The following CHD4 variants were observed in gnomAD, a reference collection of about 807,000 sequenced individuals.
CHD4 encodes chromodomain helicase DNA binding protein 4, also known as ATP-dependent chromatin remodeler CHD4.
Under a neutral mutation model 235.5 loss-of-function variants are expected in CHD4, and 35 were observed. The observed-to-expected ratio is 0.15, with a 90% CI of 0.11 to 0.20. The LOEUF (loss-of-function observed/expected upper bound fraction) is 0.20, where lower values mean the gene tolerates loss of function less well. Ranked by LOEUF, CHD4 falls within the 10% of genes least tolerant of loss-of-function variation. CHD4 has a pLI of 1.00. For synonymous variants in CHD4, 900 were observed against 850.2 expected, an observed-to-expected ratio of 1.06 and a Z score of -1.02; for missense variants, 1,329 against 2,432.3, an observed-to-expected ratio of 0.55 and a Z score of 9.54.
Position 6,570,584 on chromosome 12 carries a change from G to A in CHD4, c.*92C>T. ...CATGGAAGATGGGCAGAAGGAAGGTGAGGGTCTCTCAGGCCCCCAGGGGAG... is the reference window on the plus strand; with the variant it reads ...CATGGAAGATGGGCAGAAGGAAGGTAAGGGTCTCTCAGGCCCCCAGGGGAG... On this transcript the variant is annotated 3_prime_UTR_variant, in exon 40 of 40. Coordinates refer to ENST00000544040, the MANE Select transcript of CHD4 (RefSeq NM_001273.5). 1.3e-6 allele frequency: 2 copies of A among 1,496,078 alleles called. No homozygotes were observed. The highest frequency in any genetic ancestry group is 9.3e-7 in the Non-Finnish European group (1 of 1,075,232). 92.7% of individuals were successfully genotyped at this position (1,496,078 alleles called of 1,614,324 possible).
At chr12:6,605,905 A>C (rs922176098) in intron 2 of CHD4, among the ~76,000 whole-genome samples, 3 of 152,108 alleles carry the variant, frequency 2.0e-5, no homozygotes, top group Non-Finnish European at 4.4e-5. Flanking sequence ...TGGTCTTTCA[A>C]ACAGAATCCT....
chr12:6,581,223 G>C, intron 32 of CHD4, 50 bp from the exon 33 acceptor site: 1 of 1,612,544 alleles, frequency 6.2e-7, no homozygotes. Context: ...AGACAGGCCA[G>C]CAACTAAAAG....
chr12:6,576,619 C>T (rs1466165027), intron 37 of CHD4, among the ~76,000 whole-genome samples: 3 of 152,026 alleles, frequency 2.0e-5, no homozygotes, highest in African/African-American at 7.2e-5. Context: ...CTTTTCTTGT[C>T]TTTTTTGAGG....
chr12:6,592,127 A>C (rs911230616), intron 19 of CHD4, 70 bp from the exon 20 acceptor site: 34 of 1,573,700 alleles, frequency 2.2e-5, no homozygotes, highest in Non-Finnish European at 1.7e-5. Flanking sequence ...CAGTGCCAAC[A>C]ACTGAGATCT....
rs770916644 is a variant in CHD4 at position 6,593,150 on chromosome 12, T to C, written c.2593A>G (p.Ile865Val). Residue 865 changes from isoleucine (I) to valine (V), a missense_variant, in exon 17 of 40, where the codon ATT becomes GTT. Ile to Val is a conservative substitution (Grantham distance 29, BLOSUM62 3). This residue lies in a region of CHD4 where 78 missense variants were observed against 174.8 expected (regional missense o/e 0.45). Transcript: ENST00000544040. This position sits in a 1 kb window ranked among gnomAD's most constrained non-coding sequence, Gnocchi z 4.9. ...TCCACGATGAGGCAGGCCCAATCAA[T>C]AGAGCCCAAAATAGCCATGTCAATG... ...ITIDMAILGS[I>V]DWACLIVDEA... 3.7e-6 allele frequency: 6 copies of C among 1,614,218 alleles called. No individual in the cohort carries two copies. In the East Asian group the frequency reaches 8.9e-5, roughly 24 times the overall value.
chr12:6,582,299 G>T lies in CHD4; in HGVS notation c.4371-18C>A, dbSNP rs762705764. ...CATATGCCCTGTGTAAAGAAGTAGA[G>T]AAAGAGTTAAATAGGGATCATGCTG... On this transcript the variant is annotated intron_variant, in intron 29 of 39. Transcript: ENST00000544040. 1 of 1,544,262 alleles carries T rather than the reference G, an allele frequency of 6.5e-7. No homozygotes were observed. Among genetic ancestry groups the T allele is most frequent in the South Asian group, 1.2e-5 (1 of 81,734 alleles).
rs761102450 is a variant in CHD4, at chr12:6,602,004, G to A, written c.394C>T (p.Arg132Trp). ...TCCTCCTCCTCCTCCTCCTCCTTCC[G>A]CTTGGATTTGCTCTTCTTCTCTTTC... ...PKKEKKSKSK[R>W]KEEEEEEDDD... The change falls in exon 4 of 40, where the codon CGG becomes TGG. Residue 132 changes from arginine (R) to tryptophan (W), a missense_variant. Physicochemically the swap from Arg to Trp is moderately radical, Grantham distance 101. Around this residue, in one of 26 missense-constraint regions of CHD4, gnomAD observed 213 missense variants for 177.5 expected, o/e 1.20. Transcript: ENST00000544040. The A allele has an allele frequency of 4.3e-6, 7 of 1,610,338 alleles. No homozygotes were observed. Among genetic ancestry groups the A allele is most frequent in the Admixed American group, 1.7e-5 (1 of 59,910 alleles).
Position 6,582,642 on chromosome 12 carries a change from A to G in CHD4, c.4343T>C (p.Leu1448Pro). Residue 1448 changes from leucine (L) to proline (P), a missense_variant, in exon 29 of 40, where the codon CTG (leucine) becomes CCG (proline). This residue lies in a region of CHD4 where 48 missense variants were observed against 109.6 expected (regional missense o/e 0.44). Transcript: ENST00000544040. ...GAACTCTTTCTCTGATTTGCCTCGCAGGTCTCTTACAAGCCACTGGGTAGT... is the reference window on the plus strand; with the variant it reads ...GAACTCTTTCTCTGATTTGCCTCGCGGGTCTCTTACAAGCCACTGGGTAGT... ...AFTTQWLVRD[L>P]RGKSEKEFKA... 1 of 1,613,758 alleles carries G rather than the reference A, an allele frequency of 6.2e-7. No individual in the cohort carries two copies. The highest frequency in any genetic ancestry group is 8.5e-7 in the Non-Finnish European group (1 of 1,179,822).
chr12:6,604,481 T>C (rs924435778), intron 2 of CHD4, among the ~76,000 whole-genome samples: 1 of 151,976 alleles, frequency 6.6e-6, no homozygotes, highest in Non-Finnish European at 1.5e-5. Context: ...GCCCCTCCCA[T>C]TCCCCCTTGG....
intron 25 of CHD4, chr12:6,584,402 A>C (rs753864818): frequency 2.6e-5 from 4 of 152,226 alleles, no homozygotes; most frequent in Admixed American, 6.5e-5. Flanking sequence ...ACATATAAAT[A>C]TATATATATT....
At position 6,602,006 on chromosome 12, in the gene CHD4, T is replaced by C. The variant is rs1948602710; in HGVS notation, c.392A>G (p.Lys131Arg). 2 of 1,611,188 alleles carry C rather than the reference T, an allele frequency of 1.2e-6. No homozygotes were observed. The highest frequency in any genetic ancestry group is 1.7e-6 in the Non-Finnish European group (2 of 1,179,970). ...CTCCTCCTCCTCCTCCTCCTTCCGC[T>C]TGGATTTGCTCTTCTTCTCTTTCTT... ...GPKKEKKSKSKRKEEEEEEDD... is the reference protein window; with the variant it reads ...GPKKEKKSKSRRKEEEEEEDD... Residue 131 changes from lysine to arginine, a missense_variant, in exon 4 of 40, where the codon AAG becomes AGG. By Grantham distance (26) the Lys-to-Arg change is conservative. Transcript: ENST00000544040.
rs766220922 is a variant in CHD4, at chr12:6,599,730, T to A, written c.1482+43A>T. The A allele has an allele frequency of 1.2e-5, 20 of 1,613,024 alleles. No individual in the cohort carries two copies. The East Asian group carries it at 4.0e-4, about 32-fold the overall frequency. ...TCACAATAGCCTACATAGAAAAGAC[T>A]ACACTTTCCCATTTTTTGCCCCGGC... On this transcript the variant is annotated intron_variant, in intron 10 of 39. Coordinates refer to ENST00000544040, the MANE Select transcript of CHD4 (RefSeq NM_001273.5).
intron 2 of CHD4, among the ~76,000 whole-genome samples, chr12:6,605,189 G>C (rs982177283): frequency 1.3e-5 from 2 of 152,146 alleles, no homozygotes; most frequent in Non-Finnish European, 2.9e-5. Context: ...AGAGAAGGCA[G>C]AAGTGAATGA....
intron 2 of CHD4, 60 bp from the exon 3 acceptor site, chr12:6,602,557 C>A: frequency 6.3e-7 from 1 of 1,590,124 alleles, no homozygotes; most frequent in Non-Finnish European, 8.5e-7. Context: ...AAGGTTAGGC[C>A]CTAATCCAGA....
At chr12:6,583,731 G>A (rs904791732) in intron 25 of CHD4, 4 of 194,704 alleles carry the variant, frequency 2.1e-5, no homozygotes, top group Non-Finnish European at 4.1e-5. Flanking sequence ...GCAGAATGGA[G>A]AAACTTCTGA....
At chr12:6,596,269 T>G (rs1948493187) in intron 12 of CHD4, 132 bp from the exon 13 acceptor site, 1 of 1,128,896 alleles carries the variant, frequency 8.9e-7, no homozygotes, top group South Asian at 1.6e-5. Context: ...TTTCAGAGCC[T>G]CTACTGTACC....
In CHD4 at chr12:6,600,573, T is replaced by C. The variant is rs1335229538; in HGVS notation, c.1024A>G (p.Ser342Gly). 1.9e-6 allele frequency: 3 copies of C among 1,614,102 alleles called. No individual in the cohort carries two copies. The highest frequency in any genetic ancestry group is 2.5e-6 in the Non-Finnish European group (3 of 1,180,028). The change falls in exon 8 of 40, where the codon AGC becomes GGC. Residue 342 changes from serine (S) to glycine (G), a missense_variant. Around this residue, in one of 26 missense-constraint regions of CHD4, gnomAD observed 160 missense variants for 196.6 expected, o/e 0.81. Coordinates refer to ENST00000544040, the MANE Select transcript of CHD4 (RefSeq NM_001273.5). ...TTAGTGGTTCGGAGTTTCTTGCGGC[T>C]GCGGCTACTACGGCTGGTGGAACCA... ...SDGSTSRSSRSRKKLRTTKKK... is the reference protein window; with the variant it reads ...SDGSTSRSSRGRKKLRTTKKK...
intron 2 of CHD4, 87 bp downstream of exon 2, chr12:6,606,187 G>A: frequency 2.3e-6 from 2 of 887,966 alleles, no homozygotes; most frequent in Non-Finnish European, 3.5e-6. Flanking sequence ...AGACAGCGGA[G>A]CAACACAGCC....
rs377655552 is a variant in CHD4, at chr12:6,606,344, G to A, written c.30C>T (p.Pro10=). The stretch of plus-strand genomic sequence containing the variant: ...CCTCCTCCTCACTGCCCGCCGAGCA[G>A]GGGGACGGGGAGCCCAGGCCCGACG... MASGLGSPS[P]CSAGSEEEDM... Residue 10 remains proline, a synonymous_variant, in exon 2 of 40, where the codon CCC becomes CCT. Coordinates refer to ENST00000544040, the MANE Select transcript of CHD4 (RefSeq NM_001273.5). The A allele has an allele frequency of 2.5e-6, 4 of 1,571,710 alleles. No individual in the cohort carries two copies. Among genetic ancestry groups the A allele is most frequent in the African/African-American group, 2.8e-5 (2 of 71,278 alleles).
Sources: allele counts gnomAD v4.1 joint callset (sites outside exome capture counted in the v4.1 genomes callset), GRCh38; gene constraint gnomAD v4.1.1; regional missense constraint gnomAD v4.1.1; non-coding constraint Gnocchi (gnomAD v3.1); transcripts MANE v1.5; gene names NCBI Gene and HGNC (gene_info 2026-07-23, HGNC 2026-07-21).